Variants in USP34 observed in about 807,000 individuals in gnomAD.
USP34 encodes ubiquitin specific peptidase 34.
USP34 carries 70 observed loss-of-function variants against 460.3 expected under a neutral mutation model. The ratio of observed to expected loss-of-function variants is 0.15; its 90% CI spans 0.13 to 0.19. USP34 has a LOEUF of 0.19. Among genes scored for constraint, USP34 ranks in the 10% least tolerant of loss-of-function variants. The pLI, the probability that USP34 is intolerant of heterozygous loss-of-function variation, is 1.00. For missense variants in USP34, 3,985 were observed against 4,236.2 expected (o/e 0.94, Z 1.65); for synonymous variants, 1,647 against 1,405.3 (o/e 1.17, Z -3.85).
chr2:61,443,973 G>A (rs1449426958), intron 1 of USP34, among the ~76,000 whole-genome samples: 1 of 152,094 alleles, frequency 6.6e-6, no homozygotes, highest in Non-Finnish European at 1.5e-5. Context: ...AAAAACTGCT[G>A]TAAAAAAATA....
Position 61,314,622 on chromosome 2 carries a change from G to A in USP34, c.3505C>T (p.Leu1169Phe). 2 of 1,579,460 alleles carry A rather than the reference G, an allele frequency of 1.3e-6. No homozygotes were observed. Among genetic ancestry groups the A allele is most frequent in the Non-Finnish European group, 1.7e-6 (2 of 1,168,888 alleles). Residue 1169 changes from leucine (L) to phenylalanine (F), a missense_variant, in exon 25 of 80, where the codon CTT becomes TTT. Around this residue, in one of 14 missense-constraint regions of USP34, gnomAD observed 1,114 missense variants for 1,122.5 expected, o/e 0.99. Transcript: ENST00000398571. ...SSLMVIERGL[L>F]MLKTHLEAFR... ...GCTTCCAGATGTGTCTTCAGCATAA[G>A]GAGTCCTCTTTCTATAACCATGAGA...
chr2:61,328,690 GC>G (rs1413859030), intron 20 of USP34, among the ~76,000 whole-genome samples: 1 of 152,196 alleles, frequency 6.6e-6, no homozygotes, highest in Non-Finnish European at 1.5e-5. Context: ...CACCACAGAA[GC>G]AATGCTTTGC....
At chr2:61,232,965 G>A (rs1687957114) in intron 57 of USP34, among the ~76,000 whole-genome samples, 1 of 144,986 alleles carries the variant, frequency 6.9e-6, no homozygotes, top group South Asian at 2.2e-4. Context: ...TGCCTCCCAG[G>A]TTCAAGTGAT....
intron 1 of USP34, among the ~76,000 whole-genome samples, chr2:61,440,191 G>A (rs1267512281): frequency 1.3e-5 from 2 of 152,056 alleles, no homozygotes; most frequent in Non-Finnish European, 2.9e-5. Context: ...GTGGGGTTGC[G>A]GACATCAGCC....
intron 75 of USP34, among the ~76,000 whole-genome samples, chr2:61,196,075 T>TTTTTTA (rs1686797266): frequency 3.6e-5 from 4 of 111,990 alleles, no homozygotes; most frequent in Admixed American, 3.5e-4. Flanking sequence ...CACGATTTTT[T>TTTTTTA]TTTTTTTTTT....
At chr2:61,378,927 A>AAAAAAAAAAAAC (rs1692883833) in intron 7 of USP34, among the ~76,000 whole-genome samples, 2 of 148,950 alleles carry the variant, frequency 1.3e-5, no homozygotes, top group Non-Finnish European at 3.0e-5. Flanking sequence ...AAAAAAAAAA[A>AAAAAAAAAAAAC]AAAAAAAAAA....
chr2:61,463,193 A>C (rs1205009290), intron 1 of USP34, among the ~76,000 whole-genome samples: 1 of 151,888 alleles, frequency 6.6e-6, no homozygotes, highest in African/African-American at 2.4e-5. Context: ...AAAGATTCTC[A>C]GCCGGGTACA....
chr2:61,456,289 G>C (rs1467913131), intron 1 of USP34, among the ~76,000 whole-genome samples: 1 of 152,168 alleles, frequency 6.6e-6, no homozygotes, highest in Non-Finnish European at 1.5e-5. Flanking sequence ...ATTTGGGTGA[G>C]ATCAGCTTCA....
At chr2:61,275,966 C>T (rs1397072504) in intron 41 of USP34, among the ~76,000 whole-genome samples, 4 of 152,034 alleles carry the variant, frequency 2.6e-5, no homozygotes. Flanking sequence ...AAAATACATG[C>T]AGCAAATATG....
chr2:61,349,340 G>C, intron 12 of USP34, 55 bp from the exon 13 acceptor site: 1 of 1,561,340 alleles, frequency 6.4e-7, no homozygotes, highest in Non-Finnish European at 8.8e-7. Context: ...CAGCTTCTTT[G>C]AGACAGCGTA....
At chr2:61,461,439 GA>G (rs145041962) in intron 1 of USP34, among the ~76,000 whole-genome samples, 145 of 148,388 alleles carry the variant, frequency 9.8e-4, no homozygotes, top group Non-Finnish European at 3.3e-4. Flanking sequence ...CTGAAATACA[GA>G]AAAAAAAACA....
Position 61,317,733 on chromosome 2 carries a change from G to C in USP34, c.3203C>G (p.Thr1068Ser). 6.2e-7 allele frequency: 1 copy of C among 1,614,060 alleles called. No individual in the cohort carries two copies. The highest frequency in any genetic ancestry group is 8.5e-7 in the Non-Finnish European group (1 of 1,179,964). ...GAGATGCTGAAACAGGTTTAAGCCA[G>C]TCATGCTAATTGTTTCAGGTTTTAG... ...PQLKPETISM[T>S]GLNLFQHLCN... The change falls in exon 23 of 80, where the codon ACT becomes AGT. Residue 1068 changes from threonine to serine, a missense_variant. Thr to Ser is a moderately conservative substitution (Grantham distance 58, BLOSUM62 1). Transcript: ENST00000398571.
chr2:61,428,715 G>A (rs1197301739), intron 1 of USP34, among the ~76,000 whole-genome samples: 4 of 152,202 alleles, frequency 2.6e-5, no homozygotes, highest in African/African-American at 9.6e-5. Context: ...AGCAGTTTCT[G>A]CAACAAATAA....
In USP34 at chr2:61,373,552, A is replaced by G. The variant is rs140930312; in HGVS notation, c.1077-2973T>C. ...GCCAAAAAATGTCTGAAAGAGACAA[A>G]GGACATTTAAAACGAAAAAAAGGAT... On this transcript the variant is annotated intron_variant, in intron 8 of 79. Coordinates refer to ENST00000398571, the MANE Select transcript of USP34 (RefSeq NM_014709.4). Among the ~76,000 whole-genome samples the G allele has an allele frequency of 5.1e-3, 771 of 152,312 alleles. 5 individuals carry two copies. The highest frequency in any genetic ancestry group is 0.018 in the African/African-American group (729 of 41,566).
chr2:61,251,680 A>T (rs1688586451), intron 48 of USP34, among the ~76,000 whole-genome samples: 3 of 152,208 alleles, frequency 2.0e-5, no homozygotes, highest in African/African-American at 4.8e-5. Flanking sequence ...GTGTGCTCTT[A>T]AAAATCAGCT....
intron 1 of USP34, among the ~76,000 whole-genome samples, chr2:61,461,015 T>C (rs1242398196): frequency 2.0e-5 from 3 of 148,232 alleles, no homozygotes; most frequent in Non-Finnish European, 4.5e-5. Flanking sequence ...CAGGTAAAGG[T>C]GAGCTTTTTG....
chr2:61,430,421 A>C (rs1323657161), intron 1 of USP34, among the ~76,000 whole-genome samples: 1 of 152,086 alleles, frequency 6.6e-6, no homozygotes, highest in Non-Finnish European at 1.5e-5. Context: ...TAATAATAAA[A>C]TACATTTAAA....
chr2:61,274,471 T>A (rs1689314475), intron 41 of USP34, among the ~76,000 whole-genome samples: 1 of 150,962 alleles, frequency 6.6e-6, no homozygotes, highest in Admixed American at 6.6e-5. Context: ...GCAATTCATA[T>A]TACAGTGAGA....
Position 61,265,570 on chromosome 2 carries a change from G to GA in USP34, c.5618-14dup, listed in dbSNP as rs1362656640. On this transcript the variant is annotated splice_polypyrimidine_tract_variant and intron_variant, in intron 42 of 79. Coordinates refer to ENST00000398571, the MANE Select transcript of USP34 (RefSeq NM_014709.4). Reference sequence around the variant, plus strand: ...TAAGGTGCATGGGCTGCTGAAGAAAGAGGGAGGAAAAGATCCCCCCCAAAC... The same window carrying GA: ...TAAGGTGCATGGGCTGCTGAAGAAAGAAGGGAGGAAAAGATCCCCCCCAAAC... 4 of 1,578,792 alleles carry GA rather than the reference G, an allele frequency of 2.5e-6. No homozygotes were observed. The highest frequency in any genetic ancestry group is 3.5e-6 in the Non-Finnish European group (4 of 1,159,298).
Sources: gnomAD v4.1 joint callset for allele counts (sites outside exome capture counted in the v4.1 genomes callset) on GRCh38, gnomAD v4.1.1 for gene constraint, gnomAD v4.1.1 regional missense constraint, MANE v1.5 for transcripts, NCBI Gene and HGNC (gene_info 2026-07-23, HGNC 2026-07-21) for gene names.